The following NRXN3 variants were observed in gnomAD, a reference collection of about 807,000 sequenced individuals.
The protein encoded by NRXN3 is neurexin 3.
Under a neutral mutation model 137.6 loss-of-function variants are expected in NRXN3, and 32 were observed. The ratio of observed to expected loss-of-function variants is 0.23; its 90% CI spans 0.18 to 0.31. The LOEUF (loss-of-function observed/expected upper bound fraction) is 0.31. NRXN3 is among the 10% of genes least tolerant of loss of function. The probability of loss-of-function intolerance (pLI) is 1.00; values close to 1 mark genes in which losing one functional copy is unlikely to be tolerated. For synonymous variants in NRXN3, 798 were observed against 784.5 expected (o/e 1.02, Z -0.29); for missense variants, 1,574 against 2,062.5 (o/e 0.76, Z 4.59).
intron 19 of NRXN3, among the ~76,000 whole-genome samples, chr14:79,707,667 T>A (rs996161841): frequency 1.3e-5 from 2 of 152,202 alleles, no homozygotes; most frequent in African/African-American, 2.4e-5. Flanking sequence ...TATATTTTCT[T>A]TTTTATTCTG....
chr14:79,465,268 G>A (rs967881919), intron 15 of NRXN3, among the ~76,000 whole-genome samples: 1 of 152,164 alleles, frequency 6.6e-6, no homozygotes, highest in Non-Finnish European at 1.5e-5. Context: ...AAGAAGCTTT[G>A]AGGGTGTTTG....
chr14:78,288,245 G>A (rs963275941), intron 3 of NRXN3, among the ~76,000 whole-genome samples: 1 of 152,146 alleles, frequency 6.6e-6, no homozygotes, highest in South Asian at 2.1e-4. Context: ...TTCCAAAAGT[G>A]CTGGGATTAC....
chr14:78,782,909 A>G (rs2098775199), intron 8 of NRXN3, among the ~76,000 whole-genome samples: 1 of 152,236 alleles, frequency 6.6e-6, no homozygotes, highest in Non-Finnish European at 1.5e-5. Flanking sequence ...AGAGGTAAAC[A>G]TGAATAAGAA....
chr14:79,554,269 G>A (rs1156821156), intron 16 of NRXN3, among the ~76,000 whole-genome samples: 1 of 152,140 alleles, frequency 6.6e-6, no homozygotes, highest in Non-Finnish European at 1.5e-5. Context: ...TCTGGGTGGG[G>A]AGAAGGTACT....
Position 78,323,359 on chromosome 14 carries a change from G to A in NRXN3, c.757+25499G>A, listed in dbSNP as rs1223614285. The stretch of plus-strand genomic sequence containing the variant: ...AAGTGCCCTGTGTGTGGATTGAGAA[G>A]CCCTGGATTTAAGTCCTAACTCTGC... On this transcript the variant is annotated intron_variant, in intron 4 of 20. Coordinates refer to ENST00000335750, the MANE Select transcript of NRXN3 (RefSeq NM_001330195.2). Among the ~76,000 whole-genome samples the A allele has an allele frequency of 2.0e-5, 3 of 151,950 alleles. No homozygotes were observed. The East Asian group carries it at 5.8e-4, about 29-fold the overall frequency.
intron 10 of NRXN3, among the ~76,000 whole-genome samples, chr14:78,842,416 A>T (rs1212438525): frequency 1.3e-5 from 2 of 152,060 alleles, no homozygotes; most frequent in African/African-American, 4.8e-5. Context: ...CCAAAAGGGG[A>T]GGGAGTGTAC....
At chr14:79,529,693 AAAGTT>A (rs955075998) in intron 16 of NRXN3, among the ~76,000 whole-genome samples, 1 of 152,238 alleles carries the variant, frequency 6.6e-6, no homozygotes, top group Admixed American at 6.5e-5. Context: ...CTAGAAAAAT[AAAGTT>A]ATCTCTCTGA....
chr14:79,752,207 T>C (rs1191845303), intron 19 of NRXN3, among the ~76,000 whole-genome samples: 3 of 141,174 alleles, frequency 2.1e-5, no homozygotes, highest in Non-Finnish European at 4.7e-5. Flanking sequence ...GGTCCTGGAC[T>C]CTTTTTGCTT....
At chr14:79,387,644 A>T (rs2094679364) in intron 15 of NRXN3, among the ~76,000 whole-genome samples, 1 of 94,652 alleles carries the variant, frequency 1.1e-5, no homozygotes, top group Non-Finnish European at 2.5e-5. Flanking sequence ...CTATAAAGAC[A>T]CATGCACATG....
In NRXN3 at chr14:79,486,913, T is replaced by TTCTCTCTCTCTC. The variant is rs58861355; in HGVS notation, c.3444+19548_3444+19559dup. Among the ~76,000 whole-genome samples the TTCTCTCTCTCTC allele has an allele frequency of 2.5e-3, 316 of 128,478 alleles. 3 individuals are homozygous for TTCTCTCTCTCTC. The highest frequency in any genetic ancestry group is 7.4e-3 in the East Asian group (26 of 3,530). 84.3% of individuals were successfully genotyped at this position (128,478 alleles called of 152,430 possible). A position where few individuals can be genotyped will look rare whatever the true frequency, so the allele number is the denominator to read the frequency against. ...CCTTCTATTAAACTCTCTTTACAGG[T>TTCTCTCTCTCTC]TCTCTCTCTCTCTCTCTCTCTCTCT... On this transcript the variant is annotated intron_variant, in intron 16 of 20. Coordinates refer to ENST00000335750, the MANE Select transcript of NRXN3 (RefSeq NM_001330195.2).
rs973856836 is a variant in NRXN3 at position 78,966,022 on chromosome 14, C to T, written c.2396-3C>T. 6 of 1,609,288 alleles carry T rather than the reference C, an allele frequency of 3.7e-6. No individual in the cohort carries two copies. In the Admixed American group the frequency reaches 8.4e-5, roughly 22 times the overall value. ...GTTTGTACCTCATTTACAATTTTCA[C>T]AGGTACAATGGTGGGAGACCATACC... is the stretch of plus-strand genomic sequence containing the variant. On this transcript the variant is annotated splice_region_variant and splice_polypyrimidine_tract_variant and intron_variant, in intron 11 of 20. Coordinates refer to ENST00000335750, the MANE Select transcript of NRXN3 (RefSeq NM_001330195.2).
intron 6 of NRXN3, among the ~76,000 whole-genome samples, chr14:78,691,638 AG>A (rs1266019156): frequency 6.6e-6 from 1 of 151,854 alleles, no homozygotes; most frequent in Admixed American, 6.6e-5. Flanking sequence ...AGGGTAAGAG[AG>A]CCCGGGATAG....
intron 16 of NRXN3, among the ~76,000 whole-genome samples, chr14:79,499,339 T>G (rs1414932529): frequency 2.6e-5 from 4 of 152,198 alleles, no homozygotes; most frequent in Non-Finnish European, 5.9e-5. Flanking sequence ...GACTTCTTCC[T>G]TCAGCACCAG....
intron 19 of NRXN3, among the ~76,000 whole-genome samples, chr14:79,804,483 C>G (rs2099195576): frequency 6.6e-6 from 1 of 152,158 alleles, no homozygotes; most frequent in South Asian, 2.1e-4. Context: ...TCAGGAACAG[C>G]CTTACCTGTG....
Position 79,533,109 on chromosome 14 carries a change from T to A in NRXN3, c.3444+65707T>A, listed in dbSNP as rs146733577. Among the ~76,000 whole-genome samples the A allele has an allele frequency of 1.1e-4, 16 of 152,178 alleles. No individual in the cohort carries two copies. In the East Asian group the frequency reaches 3.1e-3, roughly 29 times the overall value. ...AATTTCTTATCAAGTGTTTATGCCA[T>A]GTACCATATTTAACATATATTTACT... On this transcript the variant is annotated intron_variant, in intron 16 of 20. Transcript: ENST00000335750.
chr14:79,632,714 A>T (rs2098367585), intron 16 of NRXN3, among the ~76,000 whole-genome samples: 1 of 152,050 alleles, frequency 6.6e-6, no homozygotes, highest in Admixed American at 6.6e-5. Flanking sequence ...TCACAATATT[A>T]AGTATTTTAT....
At chr14:78,203,824 GTGTGTGTGTGTGTGGTT>G (rs764584348) in intron 1 of NRXN3, among the ~76,000 whole-genome samples, 10,616 of 96,510 alleles carry the variant, frequency 0.11, 430 homozygotes, top group Middle Eastern at 0.2. Flanking sequence ...GTGTGTGTGT[GTGTGTGTGTGTGTGGTT>G]TGTGTGTGTG....
At chr14:79,099,972 C>T (rs992387461) in intron 15 of NRXN3, among the ~76,000 whole-genome samples, 11 of 152,076 alleles carry the variant, frequency 7.2e-5, no homozygotes, top group African/African-American at 2.7e-4. Flanking sequence ...AAGGGAATGA[C>T]CCAAACAGAA....
chr14:79,743,456 G>A (rs1489175241), intron 19 of NRXN3, among the ~76,000 whole-genome samples: 3 of 152,204 alleles, frequency 2.0e-5, no homozygotes, highest in Admixed American at 2.0e-4. Context: ...CTTCTCAAGT[G>A]ACTGTACTGT....
Sources: gnomAD v4.1 joint callset for allele counts (sites outside exome capture counted in the v4.1 genomes callset) on GRCh38, gnomAD v4.1.1 for gene constraint, MANE v1.5 for transcripts, NCBI Gene and HGNC (gene_info 2026-07-23, HGNC 2026-07-21) for gene names.